Variants in ME1 observed in about 807,000 individuals in gnomAD.
ME1 encodes NADP-dependent malic enzyme.
Under a neutral mutation model 66.4 loss-of-function variants are expected in ME1, and 74 were observed. The observed-to-expected ratio is 1.11, with a 90% confidence interval of 0.92 to 1.35. The LOEUF is 1.35. Among genes scored for constraint, ME1 ranks in the 40% most tolerant of loss-of-function variants. ME1 has a pLI of 0.00. For synonymous variants in ME1, 251 were observed against 235.6 expected (o/e 1.07, Z -0.60); for missense variants, 750 against 694.1 (o/e 1.08, Z -0.90).
intron 3 of ME1, among the ~76,000 whole-genome samples, chr6:83,382,737 G>A (rs951572662): frequency 1.3e-5 from 2 of 152,042 alleles, no homozygotes; most frequent in Admixed American, 6.6e-5. Flanking sequence ...TAAGAGTGCT[G>A]CTTCTCTGAG....
chr6:83,263,796 AACATAACATAACATAACATAACATAACAT>A (rs1766939825), intron 6 of ME1, among the ~76,000 whole-genome samples: 2 of 147,246 alleles, frequency 1.4e-5, no homozygotes, highest in African/African-American at 5.0e-5. Context: ...AACATAACAT[AACATAACATAACATAACATAACATAACAT>A]AACATAACAT....
intron 6 of ME1, among the ~76,000 whole-genome samples, chr6:83,288,306 TG>T (rs1767436087): frequency 6.6e-6 from 1 of 152,208 alleles, no homozygotes; most frequent in African/African-American, 2.4e-5. Context: ...TTTAAGTCTT[TG>T]ATCCATCTTG....
intron 1 of ME1, among the ~76,000 whole-genome samples, chr6:83,420,732 C>A (rs537097962): frequency 7.9e-5 from 12 of 152,220 alleles, no homozygotes; most frequent in African/African-American, 2.9e-4. Context: ...CAAGAATAAT[C>A]CCTGATTCAT....
intron 6 of ME1, among the ~76,000 whole-genome samples, chr6:83,310,445 A>G (rs1473399809): frequency 6.6e-6 from 1 of 152,114 alleles, no homozygotes; most frequent in Non-Finnish European, 1.5e-5. Flanking sequence ...CACTTCTTAC[A>G]AACCTCTTAA....
chr6:83,384,795 T>C (rs180720895), intron 3 of ME1, among the ~76,000 whole-genome samples: 11 of 152,042 alleles, frequency 7.2e-5, no homozygotes, highest in Admixed American at 3.3e-4. Context: ...TTAATCTATC[T>C]TGAGTTAATT....
rs11394593 is a variant in ME1 at position 83,393,608 on chromosome 6, CA to C, written c.362+4758del. Among the ~76,000 whole-genome samples, 203 of 109,656 alleles carry C rather than the reference CA, an allele frequency of 1.9e-3. 1 individual carries two copies. Among genetic ancestry groups the C allele is most frequent in the Non-Finnish European group, 2.7e-3 (140 of 51,758 alleles). The allele number at this position is 109,656 out of a possible 152,430, so 71.9% of individuals were successfully genotyped here. On this transcript the variant is annotated intron_variant, in intron 3 of 13. Coordinates refer to ENST00000369705, the MANE Select transcript of ME1 (RefSeq NM_002395.6). ...CATCAATAAAATCCCCTGTGCTTGC[CA>C]AAAAAAAAAAAACTTGTTGCTATTG...
chr6:83,288,621 C>T (rs1428033811), intron 6 of ME1, among the ~76,000 whole-genome samples: 3 of 151,872 alleles, frequency 2.0e-5, no homozygotes, highest in Non-Finnish European at 2.9e-5. Context: ...TTGCCCAGGA[C>T]TGTATTGGTT....
intron 6 of ME1, among the ~76,000 whole-genome samples, chr6:83,303,225 T>G (rs1169234807): frequency 6.6e-6 from 1 of 152,220 alleles, no homozygotes; most frequent in African/African-American, 2.4e-5. Context: ...AGAACTGGTC[T>G]AGTTAACTGG....
chr6:83,288,366 T>C (rs1767436865), intron 6 of ME1, among the ~76,000 whole-genome samples: 1 of 152,218 alleles, frequency 6.6e-6, no homozygotes, highest in Admixed American at 6.5e-5. Context: ...TTCAGTTTTC[T>C]GCATATGGCT....
chr6:83,387,890 C>A (rs1333926429), intron 3 of ME1, among the ~76,000 whole-genome samples: 1 of 152,042 alleles, frequency 6.6e-6, no homozygotes, highest in African/African-American at 2.4e-5. Flanking sequence ...ACCATTCGTG[C>A]AGCACATATA....
chr6:83,248,544 A>ATGTTGAGGGAGGGACCTGTAGTTCCCACG (rs1562459071), intron 7 of ME1, among the ~76,000 whole-genome samples: 9 of 152,126 alleles, frequency 5.9e-5, no homozygotes, highest in African/African-American at 2.2e-4. Flanking sequence ...TAATCTCCAC[A>ATGTTGAGGGAGGGACCTGTAGTTCCCACG]TGTTGAGGGA....
chr6:83,330,630 C>T lies in ME1; in HGVS notation c.601-15217G>A, dbSNP rs186742797. Among the ~76,000 whole-genome samples the T allele has an allele frequency of 3.3e-5, 5 of 152,220 alleles. No individual in the cohort carries two copies. In the East Asian group the frequency reaches 9.6e-4, roughly 29 times the overall value. ...TCTACTTCCTACTAGGTTTCTGTCT[C>T]ATTTAAATAAATTTTCCATTTTGTT... On this transcript the variant is annotated intron_variant, in intron 5 of 13. Transcript: ENST00000369705.
chr6:83,349,653 T>C (rs1310591395), intron 4 of ME1, among the ~76,000 whole-genome samples: 2 of 152,206 alleles, frequency 1.3e-5, no homozygotes, highest in Non-Finnish European at 2.9e-5. Context: ...CCTGCTTTCT[T>C]GAAACTATTC....
chr6:83,283,179 G>A (rs1767333709), intron 6 of ME1, among the ~76,000 whole-genome samples: 1 of 129,906 alleles, frequency 7.7e-6, no homozygotes, highest in Admixed American at 8.8e-5. Flanking sequence ...AGTGAGCCGA[G>A]ATCGCGCCAC....
intron 12 of ME1, among the ~76,000 whole-genome samples, chr6:83,219,740 ATT>A (rs11324255): frequency 0.038 from 5,038 of 133,124 alleles, 104 homozygotes; most frequent in East Asian, 0.11. Flanking sequence ...TGCCCAACTA[ATT>A]TTTTTTTTTT....
intron 1 of ME1, among the ~76,000 whole-genome samples, chr6:83,415,140 C>T (rs1181932415): frequency 6.6e-6 from 1 of 152,144 alleles, no homozygotes; most frequent in Non-Finnish European, 1.5e-5. Flanking sequence ...ATAGTGATTA[C>T]TCATATAATG....
At chr6:83,364,009 A>C (rs1769053207) in intron 3 of ME1, among the ~76,000 whole-genome samples, 2 of 152,178 alleles carry the variant, frequency 1.3e-5, no homozygotes, top group Admixed American at 1.3e-4. Context: ...TGGACTTGTG[A>C]TGATTAATAC....
chr6:83,303,274 G>A (rs535953305), intron 6 of ME1, among the ~76,000 whole-genome samples: 18 of 152,124 alleles, frequency 1.2e-4, no homozygotes, highest in South Asian at 8.3e-4. Flanking sequence ...TATTCTTTGC[G>A]AAGTTAATTT....
intron 6 of ME1, among the ~76,000 whole-genome samples, chr6:83,307,083 C>T (rs527959891): frequency 6.6e-6 from 1 of 152,080 alleles, no homozygotes; most frequent in Non-Finnish European, 1.5e-5. Context: ...GACAGGGATG[C>T]AAATCAAATA....
Sources: allele counts gnomAD v4.1 joint callset (sites outside exome capture counted in the v4.1 genomes callset), GRCh38; gene constraint gnomAD v4.1.1; transcripts MANE v1.5; gene names NCBI Gene and HGNC (gene_info 2026-07-23, HGNC 2026-07-21).